CDH12: variants seen among roughly 807,000 people sequenced by gnomAD.
The protein encoded by CDH12 is cadherin 12.
A neutral mutation model predicts 74.1 loss-of-function variants in CDH12; 41 were observed. That is an observed-to-expected ratio of 0.55 (90% CI 0.43 to 0.72). CDH12 has a LOEUF of 0.72. CDH12 is among the 30% of genes least tolerant of loss of function. The pLI, the probability that CDH12 is intolerant of heterozygous loss-of-function variation, is 0.00. For synonymous variants in CDH12, 399 were observed against 355.0 expected, an observed-to-expected ratio of 1.12 and a Z score of -1.39; for missense variants, 945 against 977.2, an observed-to-expected ratio of 0.97 and a Z score of 0.44.
intron 1 of CDH12, among the ~76,000 whole-genome samples, chr5:22,555,301 T>C (rs1032933677): frequency 6.6e-6 from 1 of 152,030 alleles, no homozygotes; most frequent in Non-Finnish European, 1.5e-5. Context: ...TTTCTTACAG[T>C]GAAATAATCA....
Position 22,407,660 on chromosome 5 carries a change from T to A in CDH12, c.-427-2309A>T, listed in dbSNP as rs569436553. Among the ~76,000 whole-genome samples the A allele has an allele frequency of 7.8e-4, 118 of 152,222 alleles. 2 individuals carry two copies. The South Asian group carries it at 0.02, about 26-fold the overall frequency. On this transcript the variant is annotated intron_variant, in intron 2 of 14. Transcript: ENST00000382254. The stretch of plus-strand genomic sequence containing the variant: ...CATCATCTTTCACCAGCTACCTGCA[T>A]AATGAGTTTAGGAGGAGTTAAACTG...
chr5:21,870,186 AC>A (rs1379149896), intron 6 of CDH12, among the ~76,000 whole-genome samples: 1 of 152,036 alleles, frequency 6.6e-6, no homozygotes, highest in Non-Finnish European at 1.5e-5. Flanking sequence ...GTTCAATTAA[AC>A]CTCTTTCTTT....
At chr5:22,595,213 A>C (rs906818216) in intron 1 of CDH12, among the ~76,000 whole-genome samples, 1 of 152,178 alleles carries the variant, frequency 6.6e-6, no homozygotes, top group South Asian at 2.1e-4. Flanking sequence ...CTGGAAATTC[A>C]TCTTTATGAT....
chr5:22,221,110 G>C (rs1193285967), intron 3 of CDH12, among the ~76,000 whole-genome samples: 1 of 151,826 alleles, frequency 6.6e-6, no homozygotes, highest in Non-Finnish European at 1.5e-5. Flanking sequence ...TATTTAGAGG[G>C]TCTTTTTATT....
chr5:22,351,418 C>T (rs969702746), intron 3 of CDH12, among the ~76,000 whole-genome samples: 2 of 152,126 alleles, frequency 1.3e-5, no homozygotes, highest in Non-Finnish European at 2.9e-5. Flanking sequence ...ATTCATATAA[C>T]AAGCGGAAAA....
intron 3 of CDH12, among the ~76,000 whole-genome samples, chr5:22,275,835 A>G (rs13181476): frequency 0.34 from 51,253 of 152,000 alleles, 9,168 homozygotes; most frequent in East Asian, 0.49. Flanking sequence ...AGACACTGAA[A>G]TGCAATCTGA....
intron 5 of CDH12, among the ~76,000 whole-genome samples, chr5:22,067,870 C>G (rs563373868): frequency 6.6e-6 from 1 of 151,952 alleles, no homozygotes; most frequent in African/African-American, 2.4e-5. Flanking sequence ...CCCAGCTACT[C>G]AGGAGGCTGA....
intron 3 of CDH12, among the ~76,000 whole-genome samples, chr5:22,282,684 C>T (rs907445828): frequency 6.6e-6 from 1 of 152,064 alleles, no homozygotes; most frequent in Non-Finnish European, 1.5e-5. Flanking sequence ...ATCACAACCA[C>T]AATGAGATAC....
chr5:21,751,445 A>G lies in CDH12; in HGVS notation c.*292T>C. 3.2e-6 allele frequency: 1 copy of G among 316,190 alleles called. No homozygotes were observed. The allele number at this position is 316,190 out of a possible 1,614,324, so 19.6% of individuals were successfully genotyped here. A position where few individuals can be genotyped will look rare whatever the true frequency, so the allele number is the denominator to read the frequency against. On this transcript the variant is annotated 3_prime_UTR_variant, in exon 15 of 15. Transcript: ENST00000382254. ...GTCATGTCAGTAAATTGTATTGAAT[A>G]GGCCTGAGCTTGTCTCAGTGTGATT...
chr5:21,751,816 G>A lies in CDH12; in HGVS notation c.2306C>T (p.Thr769Ile), dbSNP rs780780707. 1.4e-5 allele frequency: 22 copies of A among 1,613,982 alleles called. No individual in the cohort carries two copies. The highest frequency in any genetic ancestry group is 2.2e-5 in the East Asian group (1 of 44,882). ...GACTTTAAAGCGGGGTCCCCAGTCT[G>A]TCAGATAGTCATAGTCCTGGTCGGC... is the stretch of plus-strand genomic sequence containing the variant. Reference protein sequence around the residue: ...TEADQDYDYLTDWGPRFKVLA... With the variant: ...TEADQDYDYLIDWGPRFKVLA... Residue 769 changes from threonine to isoleucine, a missense_variant, in exon 15 of 15, where the codon ACA becomes ATA. Coordinates refer to ENST00000382254, the MANE Select transcript of CDH12 (RefSeq NM_004061.5).
chr5:21,780,665 A>T (rs532542901), intron 11 of CDH12, among the ~76,000 whole-genome samples: 2 of 152,316 alleles, frequency 1.3e-5, no homozygotes, highest in South Asian at 2.1e-4. Context: ...GTTATTGAAG[A>T]GACTACCTCT....
intron 6 of CDH12, among the ~76,000 whole-genome samples, chr5:21,887,413 T>C (rs1561274902): frequency 6.6e-6 from 1 of 152,174 alleles, no homozygotes; most frequent in Non-Finnish European, 1.5e-5. Flanking sequence ...GAGAAATTAA[T>C]TCTGTCTCCA....
In CDH12 at chr5:22,078,810, T is replaced by G; in HGVS notation, c.-134A>C. 1 of 1,443,232 alleles carries G rather than the reference T, an allele frequency of 6.9e-7. No individual in the cohort carries two copies. The highest frequency in any genetic ancestry group is 9.1e-7 in the Non-Finnish European group (1 of 1,103,010). The allele number at this position is 1,443,232 out of a possible 1,614,324, so 89.4% of individuals were successfully genotyped here. The stretch of plus-strand genomic sequence containing the variant: ...TATTGCAGAAATGATGATGCAGGCA[T>G]TAATCCTTTTGATGAAAAGGCTTCT... On this transcript the variant is annotated 5_prime_UTR_variant, in exon 5 of 15. The change abolishes an upstream ATG in the 5' untranslated region. Coordinates refer to ENST00000382254, the MANE Select transcript of CDH12 (RefSeq NM_004061.5).
rs748068899 is a variant in CDH12 at position 21,975,188 on chromosome 5, T to A, written c.429A>T (p.Glu143Asp). Residue 143 changes from glutamate (E) to aspartate (D), a missense_variant, in exon 6 of 15, where the codon GAA (glutamate) becomes GAT (aspartate). By Grantham distance (45) the Glu-to-Asp change is conservative. Transcript: ENST00000382254. ...DIETRKPLEP[E>D]SEFIIKVQDI... Reference sequence around the variant, plus strand: ...CCTGCACTTTGATGATGAATTCTGATTCAGGCTCCAGGGGCTTTCTGGTTT... The same window carrying A: ...CCTGCACTTTGATGATGAATTCTGAATCAGGCTCCAGGGGCTTTCTGGTTT... The A allele has an allele frequency of 6.3e-7, 1 of 1,597,018 alleles. No individual in the cohort carries two copies. Among genetic ancestry groups the A allele is most frequent in the African/African-American group, 1.3e-5 (1 of 74,858 alleles).
chr5:22,485,863 T>C (rs13169464), intron 2 of CDH12, among the ~76,000 whole-genome samples: 18,902 of 152,248 alleles, frequency 0.12, 1,191 homozygotes, highest in South Asian at 0.16. Context: ...ACATTTCTAA[T>C]GTTTTTATTA....
intron 6 of CDH12, among the ~76,000 whole-genome samples, chr5:21,912,470 A>T (rs558868623): frequency 6.6e-6 from 1 of 152,190 alleles, no homozygotes; most frequent in Admixed American, 6.5e-5. Context: ...AGAATAAAAG[A>T]TATCAAACTC....
intron 1 of CDH12, among the ~76,000 whole-genome samples, chr5:22,564,534 C>A (rs1739204152): frequency 6.6e-6 from 1 of 152,066 alleles, no homozygotes; most frequent in African/African-American, 2.4e-5. Context: ...TGCATTTCCT[C>A]TTTTTGTGTG....
At chr5:22,383,791 A>AT (rs1741875191) in intron 3 of CDH12, among the ~76,000 whole-genome samples, 1 of 152,152 alleles carries the variant, frequency 6.6e-6, no homozygotes, top group African/African-American at 2.4e-5. Flanking sequence ...TAAGATGCTA[A>AT]TTATAACCAT....
At chr5:22,273,447 A>G (rs6452074) in intron 3 of CDH12, among the ~76,000 whole-genome samples, 151,371 of 152,298 alleles carry the variant, frequency 0.99, 75,237 homozygotes, top group Middle Eastern at 1. Flanking sequence ...CCCTGTAATA[A>G]CAGTTACACA....
Sources: gnomAD v4.1 joint callset for allele counts (sites outside exome capture counted in the v4.1 genomes callset) on GRCh38, gnomAD v4.1.1 for gene constraint, MANE v1.5 for transcripts, NCBI Gene and HGNC (gene_info 2026-07-23, HGNC 2026-07-21) for gene names.